TMEM132B: variants seen among roughly 807,000 people sequenced by gnomAD.
TMEM132B encodes the protein transmembrane protein 132B.
A neutral mutation model predicts 90.8 loss-of-function variants in TMEM132B; 18 were observed. The observed-to-expected ratio is 0.20, with a 90% CI of 0.14 to 0.29. TMEM132B has a LOEUF of 0.29. TMEM132B is among the 10% of genes least tolerant of loss of function. TMEM132B has a pLI of 1.00. For missense variants in TMEM132B, 1,096 were observed against 1,326.8 expected, an observed-to-expected ratio of 0.83 and a Z score of 2.70; for synonymous variants, 504 against 523.3, an observed-to-expected ratio of 0.96 and a Z score of 0.50.
intron 1 of TMEM132B, among the ~76,000 whole-genome samples, chr12:125,287,445 C>G (rs1353646275): frequency 6.6e-6 from 1 of 152,136 alleles, no homozygotes; most frequent in Non-Finnish European, 1.5e-5. Flanking sequence ...ATTTCATTCT[C>G]TAGCACCTAA....
chr12:125,604,817 G>A (rs1885653855), intron 5 of TMEM132B, among the ~76,000 whole-genome samples: 1 of 152,160 alleles, frequency 6.6e-6, no homozygotes, highest in African/African-American at 2.4e-5. Context: ...GTAGTGCCTG[G>A]CACTTTGTGG....
intron 1 of TMEM132B, among the ~76,000 whole-genome samples, chr12:125,266,297 T>C (rs1874694009): frequency 2.0e-5 from 3 of 152,208 alleles, no homozygotes; most frequent in Admixed American, 6.5e-5. Flanking sequence ...AAACGGCCAG[T>C]ACAACCTTAA....
rs564908259 is a variant in TMEM132B at position 125,206,182 on chromosome 12, G to T, written c.67+19316G>T. On this transcript the variant is annotated intron_variant, in intron 1 of 8. Coordinates refer to ENST00000682704, the MANE Select transcript of TMEM132B (RefSeq NM_001366854.1). ...GATGGTATTCCTTTGGTCTTCCTCA[G>T]AGGCACCAGATGCCCCTTTCCTGGT... Among the ~76,000 whole-genome samples the T allele has an allele frequency of 1.3e-4, 20 of 152,284 alleles. No homozygotes were observed. In the South Asian group the frequency reaches 4.2e-3, roughly 32 times the overall value.
At chr12:125,259,145 A>C (rs954179789) in intron 1 of TMEM132B, among the ~76,000 whole-genome samples, 1 of 152,164 alleles carries the variant, frequency 6.6e-6, no homozygotes, top group Non-Finnish European at 1.5e-5. Flanking sequence ...TTATCACCCC[A>C]TCACCCTGTT....
chr12:125,209,577 G>A lies in TMEM132B; in HGVS notation c.67+22711G>A, dbSNP rs114375310. On this transcript the variant is annotated intron_variant, in intron 1 of 8. Coordinates refer to ENST00000682704, the MANE Select transcript of TMEM132B (RefSeq NM_001366854.1). The surrounding 1 kb of genome is among the most constrained non-coding windows in gnomAD (Gnocchi z 4.4). ...TCCTGGCTGCTGTGGTGCTGGTCAC[G>A]CTTGGGAGCATGGAGACACTCGTTC... 6.3e-3 allele frequency among the ~76,000 whole-genome samples: 955 copies of A among 152,316 alleles called. 9 individuals carry two copies. The highest frequency in any genetic ancestry group is 0.022 in the African/African-American group (913 of 41,576).
chr12:125,322,394 G>C (rs1876453338), intron 1 of TMEM132B, among the ~76,000 whole-genome samples: 1 of 152,196 alleles, frequency 6.6e-6, no homozygotes, highest in Admixed American at 6.5e-5. Flanking sequence ...CCCAGTCTCA[G>C]ATATGTCTTT....
chr12:125,558,091 G>C (rs2107656), intron 4 of TMEM132B, among the ~76,000 whole-genome samples: 144,765 of 152,282 alleles, frequency 0.95, 68,859 homozygotes, highest in African/African-American at 0.98. Context: ...TCCGTCCTTC[G>C]TTTCCTTTTG....
At chr12:125,304,039 G>A (rs1875896086) in intron 1 of TMEM132B, among the ~76,000 whole-genome samples, 1 of 152,204 alleles carries the variant, frequency 6.6e-6, no homozygotes. Context: ...AGTGATGGGG[G>A]ATTGTTTTGG....
At chr12:125,636,068 CTTCAGTGCCTCT>C (rs1322356447) in intron 5 of TMEM132B, among the ~76,000 whole-genome samples, 1 of 152,162 alleles carries the variant, frequency 6.6e-6, no homozygotes, top group Non-Finnish European at 1.5e-5. Context: ...TTTTCTACCT[CTTCAGTGCCTCT>C]TTCAGTGATA....
At chr12:125,565,808 G>A (rs916074018) in intron 4 of TMEM132B, among the ~76,000 whole-genome samples, 1 of 152,162 alleles carries the variant, frequency 6.6e-6, no homozygotes. Flanking sequence ...GTTTATATGA[G>A]TACAGGACAG....
At chr12:125,242,993 CTT>C (rs1212736801) in intron 1 of TMEM132B, among the ~76,000 whole-genome samples, 2 of 134,682 alleles carry the variant, frequency 1.5e-5, no homozygotes, top group African/African-American at 5.5e-5. Context: ...GCTCTTTTCT[CTT>C]TCTCTCTCTT....
chr12:125,552,072 A>G (rs892573848), intron 4 of TMEM132B, among the ~76,000 whole-genome samples: 1 of 152,184 alleles, frequency 6.6e-6, no homozygotes, highest in African/African-American at 2.4e-5. Flanking sequence ...AGCTCCTACC[A>G]TTGTGCATTA....
At chr12:125,509,782 G>A (rs1197841352) in intron 3 of TMEM132B, among the ~76,000 whole-genome samples, 6 of 152,128 alleles carry the variant, frequency 3.9e-5, no homozygotes, top group Non-Finnish European at 7.3e-5. Context: ...GTGAAGCTGC[G>A]AATGTTTGCC....
At chr12:125,497,652 T>C (rs1882595235) in intron 3 of TMEM132B, among the ~76,000 whole-genome samples, 1 of 152,190 alleles carries the variant, frequency 6.6e-6, no homozygotes, top group African/African-American at 2.4e-5. Context: ...ATTCGGGCCC[T>C]CTTCTTCTGA....
At chr12:125,456,225 C>T (rs1390017304) in intron 3 of TMEM132B, among the ~76,000 whole-genome samples, 1 of 152,172 alleles carries the variant, frequency 6.6e-6, no homozygotes, top group Non-Finnish European at 1.5e-5. Context: ...ACAGCACCCC[C>T]GAGCCTATTT....
intron 4 of TMEM132B, among the ~76,000 whole-genome samples, chr12:125,552,460 GGC>G (rs1457453948): frequency 6.6e-6 from 1 of 152,148 alleles, no homozygotes; most frequent in Non-Finnish European, 1.5e-5. Context: ...GTGTAATGGG[GGC>G]ACCATGATTT....
At chr12:125,551,987 C>T (rs1053122375) in intron 4 of TMEM132B, among the ~76,000 whole-genome samples, 3 of 152,230 alleles carry the variant, frequency 2.0e-5, no homozygotes, top group Middle Eastern at 3.4e-3. Flanking sequence ...GTTTTCTTTT[C>T]GTGTCTCTTA....
intron 5 of TMEM132B, among the ~76,000 whole-genome samples, chr12:125,614,985 T>C (rs905309343): frequency 2.6e-5 from 4 of 152,208 alleles, no homozygotes; most frequent in Non-Finnish European, 5.9e-5. Flanking sequence ...TTGAGCCTTT[T>C]GAATGTTATC....
rs964878248 is a variant in TMEM132B, at chr12:125,392,794, C to T, written c.960-22737C>T. Among the ~76,000 whole-genome samples, 7 of 152,204 alleles carry T rather than the reference C, an allele frequency of 4.6e-5. No individual in the cohort carries two copies. The East Asian group carries it at 5.8e-4, about 13-fold the overall frequency. On this transcript the variant is annotated intron_variant, in intron 2 of 8. Transcript: ENST00000682704. ...GTGGATATGTGAATGATTTCTCCGT[C>T]GCAGTGTCGCAGGCTTGCATGAGGA...
Sources: gnomAD v4.1 joint callset for allele counts (sites outside exome capture counted in the v4.1 genomes callset) on GRCh38, gnomAD v4.1.1 for gene constraint, Gnocchi (gnomAD v3.1) non-coding constraint, MANE v1.5 for transcripts, NCBI Gene and HGNC (gene_info 2026-07-23, HGNC 2026-07-21) for gene names.